FBXL17: variants seen among roughly 807,000 people sequenced by gnomAD.
FBXL17 encodes the protein F-box/LRR-repeat protein 17.
Under a neutral mutation model 66.2 loss-of-function variants are expected in FBXL17, and 22 were observed. The observed-to-expected ratio is 0.33, with a 90% confidence interval of 0.24 to 0.47. The LOEUF (loss-of-function observed/expected upper bound fraction) is 0.47, where lower values mean the gene tolerates loss of function less well. Among genes scored for constraint, FBXL17 ranks in the 20% least tolerant of loss-of-function variants. The pLI is 1.00. For missense variants in FBXL17, 878 were observed against 948.2 expected, an observed-to-expected ratio of 0.93 and a Z score of 0.97; for synonymous variants, 474 against 400.5, an observed-to-expected ratio of 1.18 and a Z score of -2.19.
At chr5:108,033,343 T>C (rs1298478500) in intron 6 of FBXL17, among the ~76,000 whole-genome samples, 2 of 152,176 alleles carry the variant, frequency 1.3e-5, no homozygotes, top group Non-Finnish European at 2.9e-5. Flanking sequence ...TTGTTAATGG[T>C]TATTTATTAA....
At chr5:108,245,655 T>C (rs1032512380) in intron 4 of FBXL17, among the ~76,000 whole-genome samples, 1 of 152,152 alleles carries the variant, frequency 6.6e-6, no homozygotes, top group Admixed American at 6.5e-5. Flanking sequence ...CCCCTTGGCA[T>C]AAACACTTAA....
chr5:108,136,753 A>T (rs1380456472), intron 6 of FBXL17, among the ~76,000 whole-genome samples: 1 of 152,200 alleles, frequency 6.6e-6, no homozygotes, highest in Non-Finnish European at 1.5e-5. Context: ...GTGAGTGGCT[A>T]TTATAAGGAA....
intron 4 of FBXL17, among the ~76,000 whole-genome samples, chr5:108,265,676 G>A (rs1294140325): frequency 2.6e-5 from 4 of 151,922 alleles, no homozygotes; most frequent in Admixed American, 2.6e-4. Context: ...AAAAATCTCT[G>A]GAAAACAATA....
intron 6 of FBXL17, among the ~76,000 whole-genome samples, chr5:108,094,153 A>G (rs1358518709): frequency 1.3e-5 from 2 of 152,242 alleles, no homozygotes; most frequent in East Asian, 3.9e-4. Context: ...ACAAAACGCA[A>G]TCTATAGCTC....
chr5:108,224,366 A>G (rs1251590416), intron 4 of FBXL17, 138 bp from the exon 5 acceptor site: 1 of 458,972 alleles, frequency 2.2e-6, no homozygotes, highest in Non-Finnish European at 4.0e-6. Context: ...TCAGCATACA[A>G]ACATGCTATA....
At chr5:108,229,598 T>C (rs1755240562) in intron 4 of FBXL17, among the ~76,000 whole-genome samples, 1 of 152,254 alleles carries the variant, frequency 6.6e-6, no homozygotes, top group South Asian at 2.1e-4. Flanking sequence ...ATCTAAGACC[T>C]GAAACTATAA....
intron 7 of FBXL17, among the ~76,000 whole-genome samples, chr5:107,930,798 T>C (rs1750703789): frequency 1.3e-5 from 2 of 152,236 alleles, no homozygotes; most frequent in Non-Finnish European, 2.9e-5. Context: ...TGCATATTTA[T>C]GAAGGTGACT....
chr5:108,107,800 A>C (rs1418795115), intron 6 of FBXL17, among the ~76,000 whole-genome samples: 1 of 141,916 alleles, frequency 7.0e-6, no homozygotes, highest in Non-Finnish European at 1.5e-5. Context: ...CAACACAGCA[A>C]GACTCTGTCT....
chr5:108,234,733 A>G (rs1038375655), intron 4 of FBXL17, among the ~76,000 whole-genome samples: 3 of 152,208 alleles, frequency 2.0e-5, no homozygotes, highest in Non-Finnish European at 2.9e-5. Context: ...AACTGCTCCA[A>G]AACATGGAAG....
chr5:108,045,422 A>G (rs1024278019), intron 6 of FBXL17, among the ~76,000 whole-genome samples: 2 of 151,914 alleles, frequency 1.3e-5, no homozygotes, highest in African/African-American at 4.8e-5. Context: ...AGCCTGGGCG[A>G]TAGAGCAAGA....
intron 6 of FBXL17, among the ~76,000 whole-genome samples, chr5:108,032,050 G>A (rs1023675905): frequency 1.3e-5 from 2 of 152,118 alleles, no homozygotes; most frequent in African/African-American, 4.8e-5. Context: ...TGGATACAAA[G>A]ACAGATAAAT....
chr5:108,364,234 GTATAATAAA>G (rs1748518643), intron 3 of FBXL17, among the ~76,000 whole-genome samples: 1 of 152,008 alleles, frequency 6.6e-6, no homozygotes, highest in African/African-American at 2.4e-5. Flanking sequence ...TCCAAAGGAA[GTATAATAAA>G]CAGAAGGTAT....
chr5:108,029,524 T>A (rs1754954106), intron 6 of FBXL17, among the ~76,000 whole-genome samples: 1 of 152,140 alleles, frequency 6.6e-6, no homozygotes, highest in Non-Finnish European at 1.5e-5. Context: ...AATGTTCACA[T>A]CAGAGGCAAA....
chr5:108,171,767 G>A (rs1480385946), intron 6 of FBXL17, among the ~76,000 whole-genome samples: 2 of 152,140 alleles, frequency 1.3e-5, no homozygotes. Context: ...TAGTGATATG[G>A]TTTGGCTGTG....
chr5:108,059,823 T>C (rs1350146143), intron 6 of FBXL17, among the ~76,000 whole-genome samples: 1 of 152,072 alleles, frequency 6.6e-6, no homozygotes, highest in Admixed American at 6.6e-5. Flanking sequence ...CACTCGGGAG[T>C]ATTTCTAAAT....
intron 5 of FBXL17, among the ~76,000 whole-genome samples, chr5:108,220,709 C>A (rs1754825439): frequency 6.6e-6 from 1 of 152,260 alleles, no homozygotes; most frequent in South Asian, 2.1e-4. Context: ...CTTTTGGGTC[C>A]TTCGACATGT....
At chr5:108,316,991 T>G (rs1235366809) in intron 4 of FBXL17, among the ~76,000 whole-genome samples, 3 of 151,332 alleles carry the variant, frequency 2.0e-5, no homozygotes, top group African/African-American at 7.3e-5. Context: ...TTTATCACAT[T>G]TAAAGTTATT....
At chr5:107,992,951 A>T (rs1413157876) in intron 7 of FBXL17, among the ~76,000 whole-genome samples, 1 of 151,542 alleles carries the variant, frequency 6.6e-6, no homozygotes, top group Non-Finnish European at 1.5e-5. Context: ...GTTGGAGTGC[A>T]GTGGCGCGAT....
At chr5:108,366,056 G>A (rs1748640133) in intron 2 of FBXL17, among the ~76,000 whole-genome samples, 1 of 152,050 alleles carries the variant, frequency 6.6e-6, no homozygotes, top group Non-Finnish European at 1.5e-5. Flanking sequence ...CTTGATATCA[G>A]ATGATACCAC....
Sources: gnomAD v4.1 joint callset for allele counts (sites outside exome capture counted in the v4.1 genomes callset) on GRCh38, gnomAD v4.1.1 for gene constraint, MANE v1.5 for transcripts, NCBI Gene and HGNC (gene_info 2026-07-23, HGNC 2026-07-21) for gene names.